The following TVP23B variants were observed in gnomAD, a reference collection of about 807,000 sequenced individuals.
TVP23B encodes Golgi apparatus membrane protein TVP23 homolog B.
A neutral mutation model predicts 30.6 loss-of-function variants in TVP23B; 10 were observed. The ratio of observed to expected loss-of-function variants is 0.33; its 90% CI spans 0.20 to 0.55. The LOEUF is 0.55. TVP23B is among the 20% of genes least tolerant of loss of function. The pLI is 0.91. For missense variants in TVP23B, 153 were observed against 243.2 expected (o/e 0.63, Z 2.47); for synonymous variants, 67 against 83.1 (o/e 0.81, Z 1.06).
intron 5 of TVP23B, among the ~76,000 whole-genome samples, chr17:18,799,480 G>A (rs2036124930): frequency 1.3e-5 from 2 of 152,158 alleles, no homozygotes; most frequent in South Asian, 4.2e-4. Context: ...TGGCAGCCCA[G>A]TACTTCACTT....
chr17:18,783,491 C>T (rs186133642), intron 1 of TVP23B, among the ~76,000 whole-genome samples: 85 of 152,336 alleles, frequency 5.6e-4, no homozygotes, highest in Admixed American at 2.3e-3. Flanking sequence ...TTCCATAGCC[C>T]CTTCACCCTC....
intron 1 of TVP23B, 194 bp from the exon 2 acceptor site, chr17:18,789,159 T>A: frequency 1.2e-6 from 1 of 831,554 alleles, no homozygotes; most frequent in Non-Finnish European, 1.8e-6. Flanking sequence ...TCGATTATTC[T>A]CTGGGTTTTT....
At chr17:18,796,509 T>C (rs2036079079) in intron 3 of TVP23B, 1 of 152,192 alleles carries the variant, frequency 6.6e-6, no homozygotes, top group Admixed American at 6.5e-5. Flanking sequence ...CCCCGTTGCA[T>C]GCCAGCCTGG....
intron 3 of TVP23B, among the ~76,000 whole-genome samples, chr17:18,795,274 C>G (rs2036060963): frequency 6.6e-6 from 1 of 152,074 alleles, no homozygotes; most frequent in Non-Finnish European, 1.5e-5. Context: ...CATGCCTGGC[C>G]AGGCAACTTA....
chr17:18,789,874 C>T (rs1407053978), intron 2 of TVP23B, among the ~76,000 whole-genome samples: 1 of 152,158 alleles, frequency 6.6e-6, no homozygotes, highest in Non-Finnish European at 1.5e-5. Flanking sequence ...TTTCTTTCAT[C>T]TTTCATGCCA....
chr17:18,799,919 TTTGGAAGCTTA>T (rs2036133388), intron 5 of TVP23B, among the ~76,000 whole-genome samples: 1 of 152,132 alleles, frequency 6.6e-6, no homozygotes, highest in African/African-American at 2.4e-5. Flanking sequence ...CTTCTTTGGA[TTTGGAAGCTTA>T]TTGGAAGCTT....
intron 3 of TVP23B, chr17:18,796,958 C>G (rs1477353550): frequency 6.5e-6 from 1 of 154,574 alleles, no homozygotes; most frequent in Non-Finnish European, 1.4e-5. Context: ...CCTTGCAGGA[C>G]TTAACTCAGT....
At chr17:18,783,789 T>C (rs1354338874) in intron 1 of TVP23B, among the ~76,000 whole-genome samples, 1 of 152,252 alleles carries the variant, frequency 6.6e-6, no homozygotes, top group African/African-American at 2.4e-5. Flanking sequence ...CATCAGTTTT[T>C]TAATCCTTTT....
intron 2 of TVP23B, chr17:18,789,751 G>T: frequency 4.4e-6 from 1 of 226,802 alleles, no homozygotes; most frequent in Admixed American, 5.5e-5. Flanking sequence ...TTGATTTATT[G>T]TGCACATTTC....
chr17:18,802,079 G>C (rs1033751113), intron 5 of TVP23B, among the ~76,000 whole-genome samples: 1 of 151,976 alleles, frequency 6.6e-6, no homozygotes, highest in South Asian at 2.1e-4. Flanking sequence ...AAAATTAGCC[G>C]GGTGTGGTGG....
intron 4 of TVP23B, 114 bp downstream of exon 4, chr17:18,797,782 G>C (rs1405368524): frequency 2.1e-6 from 2 of 938,428 alleles, no homozygotes; most frequent in African/African-American, 3.3e-5. Flanking sequence ...AAATCACTTG[G>C]CATGTCAGCA....
At chr17:18,781,343 C>T (rs1176492636) in intron 1 of TVP23B, 38 bp downstream of exon 1, 3 of 1,566,868 alleles carry the variant, frequency 1.9e-6, no homozygotes, top group South Asian at 1.2e-5. Context: ...GTGGCGGCTC[C>T]TGGGACTGGC....
intron 3 of TVP23B, among the ~76,000 whole-genome samples, chr17:18,793,055 C>CA (rs996819774): frequency 2.0e-5 from 3 of 151,968 alleles, no homozygotes; most frequent in East Asian, 1.9e-4. Context: ...AAATCGCACA[C>CA]AAAAAAATCT....
In TVP23B at chr17:18,781,757, G is replaced by A. The variant is rs1441919159; in HGVS notation, c.12+452G>A. The A allele has an allele frequency of 1.7e-5, 3 of 179,566 alleles. No individual in the cohort carries two copies. In the East Asian group the frequency reaches 4.3e-4, roughly 26 times the overall value. The allele number at this position is 179,566 out of a possible 1,614,324, so 11.1% of individuals were successfully genotyped here. ...TGATTCTCTCCTTTGTGCTCTTAGA[G>A]TTAATTGTAGTCCACATGTTGGCAA... is the stretch of plus-strand genomic sequence containing the variant. On this transcript the variant is annotated intron_variant, in intron 1 of 6. Coordinates refer to ENST00000307767, the MANE Select transcript of TVP23B (RefSeq NM_016078.6).
intron 1 of TVP23B, among the ~76,000 whole-genome samples, chr17:18,785,351 G>A (rs111514880): frequency 0.35 from 52,281 of 149,090 alleles, 8,374 homozygotes; most frequent in Non-Finnish European, 0.42. Context: ...CCCCATCTTA[G>A]TAAATGTAAC....
intron 5 of TVP23B, 43 bp from the exon 6 acceptor site, chr17:18,804,095 A>G (rs1434113473): frequency 3.7e-6 from 6 of 1,604,544 alleles, no homozygotes; most frequent in Admixed American, 3.4e-5. Flanking sequence ...AGAAAGGTCA[A>G]TTTCAGGCCA....
At chr17:18,805,454 G>A in intron 6 of TVP23B, 87 bp from the exon 7 acceptor site, 1 of 1,574,102 alleles carries the variant, frequency 6.4e-7, no homozygotes, top group South Asian at 1.2e-5. Flanking sequence ...AATATAGAAT[G>A]TTTTCCTAGG....
chr17:18,784,552 G>A (rs1013068836), intron 1 of TVP23B, among the ~76,000 whole-genome samples: 2 of 152,212 alleles, frequency 1.3e-5, no homozygotes, highest in Non-Finnish European at 2.9e-5. Flanking sequence ...GGCTGAGGCT[G>A]ACGCAGGGGA....
chr17:18,798,616 G>A (rs1316075234), intron 4 of TVP23B, among the ~76,000 whole-genome samples, 196 bp from the exon 5 acceptor site: 1 of 152,158 alleles, frequency 6.6e-6, no homozygotes, highest in African/African-American at 2.4e-5. Flanking sequence ...CCCTGAAAAT[G>A]CAAAATTCTT....
Sources: allele counts gnomAD v4.1 joint callset (sites outside exome capture counted in the v4.1 genomes callset), GRCh38; gene constraint gnomAD v4.1.1; transcripts MANE v1.5; gene names NCBI Gene and HGNC (gene_info 2026-07-23, HGNC 2026-07-21).